Variants in CTNND2 observed in about 807,000 individuals in gnomAD.
CTNND2 encodes catenin delta-2.
A neutral mutation model predicts 144.4 loss-of-function variants in CTNND2; 22 were observed. The ratio of observed to expected loss-of-function variants is 0.15; its 90% CI spans 0.11 to 0.22. CTNND2 has a LOEUF of 0.22. CTNND2 is among the 10% of genes least tolerant of loss of function. The probability of loss-of-function intolerance (pLI) is 1.00; values close to 1 mark genes in which losing one functional copy is unlikely to be tolerated. For synonymous variants in CTNND2, 751 were observed against 695.6 expected (o/e 1.08, Z -1.25); for missense variants, 1,353 against 1,618.8 (o/e 0.84, Z 2.82).
Position 11,894,258 on chromosome 5 carries a change from T to C in CTNND2, c.37+9559A>G, listed in dbSNP as rs895199067. On this transcript the variant is annotated intron_variant, in intron 1 of 21. Transcript: ENST00000304623. Reference sequence around the variant, plus strand: ...TACAGACTTCACTCTTGAAGGACAATAGGGCTTCATTCCACTCCCATCTTT... The same window carrying C: ...TACAGACTTCACTCTTGAAGGACAACAGGGCTTCATTCCACTCCCATCTTT... 6.6e-5 allele frequency among the ~76,000 whole-genome samples: 10 copies of C among 151,476 alleles called. No individual in the cohort carries two copies. In the East Asian group the frequency reaches 1.4e-3, roughly 21 times the overall value.
At chr5:11,578,669 G>GAATAATA (rs1778158820) in intron 2 of CTNND2, among the ~76,000 whole-genome samples, 1 of 146,006 alleles carries the variant, frequency 6.8e-6, no homozygotes, top group African/African-American at 2.5e-5. Context: ...ACAAATACAT[G>GAATAATA]AATAAATAAA....
intron 2 of CTNND2, among the ~76,000 whole-genome samples, chr5:11,634,361 G>C (rs1331795113): frequency 6.6e-6 from 1 of 152,136 alleles, no homozygotes; most frequent in Non-Finnish European, 1.5e-5. Flanking sequence ...GGGATTCACA[G>C]TTGAGAATTT....
At chr5:11,672,357 T>A (rs924803905) in intron 2 of CTNND2, among the ~76,000 whole-genome samples, 1 of 152,176 alleles carries the variant, frequency 6.6e-6, no homozygotes, top group Non-Finnish European at 1.5e-5. Context: ...GCAGGGACAT[T>A]TAAGTCTGCT....
At chr5:11,549,874 A>G (rs1275852614) in intron 3 of CTNND2, among the ~76,000 whole-genome samples, 1 of 152,186 alleles carries the variant, frequency 6.6e-6, no homozygotes, top group Non-Finnish European at 1.5e-5. Context: ...CTTTGGCAAT[A>G]GCTACAATAC....
intron 9 of CTNND2, among the ~76,000 whole-genome samples, chr5:11,333,822 G>A (rs79172505): frequency 0.076 from 11,524 of 152,144 alleles, 413 homozygotes; most frequent in Middle Eastern, 0.13. Flanking sequence ...TCCTTAGGAC[G>A]TCAGCCTGGC....
intron 9 of CTNND2, among the ~76,000 whole-genome samples, chr5:11,312,131 C>T (rs1751020141): frequency 5.8e-5 from 8 of 137,982 alleles, no homozygotes; most frequent in Non-Finnish European, 8.1e-5. Context: ...ACTCCCCATA[C>T]ATCCTCTCCC....
At chr5:11,640,893 C>A (rs1781965796) in intron 2 of CTNND2, among the ~76,000 whole-genome samples, 1 of 152,106 alleles carries the variant, frequency 6.6e-6, no homozygotes, top group Admixed American at 6.5e-5. Context: ...CTCTGCTGAC[C>A]AATGGGAGTG....
intron 12 of CTNND2, among the ~76,000 whole-genome samples, chr5:11,147,660 G>GAA (rs3995574): frequency 7.2e-6 from 1 of 139,414 alleles, no homozygotes; most frequent in African/African-American, 2.7e-5. Flanking sequence ...TTCAGCAGTT[G>GAA]AAAAAAAAAA....
intron 2 of CTNND2, among the ~76,000 whole-genome samples, chr5:11,708,472 AC>A (rs1785842822): frequency 6.6e-6 from 1 of 152,200 alleles, no homozygotes; most frequent in African/African-American, 2.4e-5. Flanking sequence ...GAGTAGTTCT[AC>A]GAATTATAAT....
intron 1 of CTNND2, among the ~76,000 whole-genome samples, chr5:11,732,656 G>A (rs1345992794): frequency 1.3e-5 from 2 of 152,100 alleles, no homozygotes; most frequent in Non-Finnish European, 2.9e-5. Context: ...TTTATTACCT[G>A]CCTATTGGTA....
At chr5:11,724,785 ATTTC>A (rs1786912202) in intron 2 of CTNND2, among the ~76,000 whole-genome samples, 1 of 152,152 alleles carries the variant, frequency 6.6e-6, no homozygotes, top group Non-Finnish European at 1.5e-5. Flanking sequence ...TTTGAGCATA[ATTTC>A]TTTATCACTC....
chr5:11,383,681 T>A (rs1291996107), intron 7 of CTNND2, among the ~76,000 whole-genome samples: 1 of 152,220 alleles, frequency 6.6e-6, no homozygotes, highest in Non-Finnish European at 1.5e-5. Flanking sequence ...CTATTTATCT[T>A]CACAGTCATC....
At chr5:11,240,225 AC>A (rs1561074271) in intron 9 of CTNND2, among the ~76,000 whole-genome samples, 15 of 117,966 alleles carry the variant, frequency 1.3e-4, no homozygotes, top group African/African-American at 3.9e-4. Flanking sequence ...CACACACCCA[AC>A]ACACACACAC....
At chr5:11,601,606 CAT>C (rs1228812205) in intron 2 of CTNND2, among the ~76,000 whole-genome samples, 6 of 151,958 alleles carry the variant, frequency 3.9e-5, no homozygotes, top group South Asian at 4.1e-4. Flanking sequence ...ATTTTAATAA[CAT>C]ATTTTTCTAA....
chr5:11,404,601 T>TC lies in CTNND2; in HGVS notation c.439+6934dup, dbSNP rs1185111040. On this transcript the variant is annotated intron_variant, in intron 5 of 21. Transcript: ENST00000304623. ...GATCAGTATCTGTCAGTATCTGTATTCTTTTTTTTTTTTTTTTTTTTTTTT... is the reference window on the plus strand; with the variant it reads ...GATCAGTATCTGTCAGTATCTGTATTCCTTTTTTTTTTTTTTTTTTTTTTTT... Among the ~76,000 whole-genome samples, 11 of 133,740 alleles carry TC rather than the reference T, an allele frequency of 8.2e-5. No homozygotes were observed. The East Asian group carries it at 1.5e-3, about 18-fold the overall frequency. 87.7% of individuals were successfully genotyped at this position (133,740 alleles called of 152,430 possible).
chr5:11,295,118 G>T (rs1052258061), intron 9 of CTNND2, among the ~76,000 whole-genome samples: 3 of 151,594 alleles, frequency 2.0e-5, no homozygotes, highest in Non-Finnish European at 4.4e-5. Flanking sequence ...TAAGCTGATA[G>T]GCAACTTCAG....
intron 3 of CTNND2, among the ~76,000 whole-genome samples, chr5:11,452,901 G>C (rs187811291): frequency 6.6e-6 from 1 of 152,182 alleles, no homozygotes; most frequent in African/African-American, 2.4e-5. Flanking sequence ...ATCAATTGTA[G>C]GGTGAAGAAA....
intron 1 of CTNND2, among the ~76,000 whole-genome samples, chr5:11,765,297 C>T (rs577215593): frequency 3.9e-5 from 6 of 152,222 alleles, no homozygotes; most frequent in East Asian, 1.9e-4. Context: ...TGCCCAGGGA[C>T]GAGCAGAAGC....
At chr5:11,216,640 A>G (rs1739230709) in intron 10 of CTNND2, among the ~76,000 whole-genome samples, 1 of 152,240 alleles carries the variant, frequency 6.6e-6, no homozygotes, top group Non-Finnish European at 1.5e-5. Flanking sequence ...TGAGCCCCAG[A>G]GCTACCAGAT....
Sources: allele counts gnomAD v4.1 joint callset (sites outside exome capture counted in the v4.1 genomes callset), GRCh38; gene constraint gnomAD v4.1.1; transcripts MANE v1.5; gene names NCBI Gene and HGNC (gene_info 2026-07-23, HGNC 2026-07-21).